The following VMP1 variants were observed in gnomAD, a reference collection of about 807,000 sequenced individuals.
VMP1 encodes the protein ectopic P-granules autophagy protein 3 homolog.
Under a neutral mutation model 56.0 loss-of-function variants are expected in VMP1, and 11 were observed. The observed-to-expected ratio is 0.20, with a 90% CI of 0.12 to 0.32. The LOEUF is 0.32. Ranked by LOEUF, VMP1 falls within the 10% of genes least tolerant of loss-of-function variation. The pLI, the probability that VMP1 is intolerant of heterozygous loss-of-function variation, is 1.00. For missense variants in VMP1, 296 were observed against 490.3 expected, an observed-to-expected ratio of 0.60 and a Z score of 3.74; for synonymous variants, 149 against 165.0, an observed-to-expected ratio of 0.90 and a Z score of 0.74.
intron 10 of VMP1, among the ~76,000 whole-genome samples, chr17:59,823,682 CG>C (rs1249917583): frequency 6.6e-6 from 1 of 151,522 alleles, no homozygotes; most frequent in Non-Finnish European, 1.5e-5. Flanking sequence ...ACCCGGGAGG[CG>C]GATCATGCAG....
intron 7 of VMP1, among the ~76,000 whole-genome samples, chr17:59,777,043 T>C (rs929981827): frequency 1.3e-5 from 2 of 152,132 alleles, no homozygotes; most frequent in African/African-American, 4.8e-5. Flanking sequence ...CACTTTCCAC[T>C]CGGTAACACA....
chr17:59,804,502 C>A (rs891605658), intron 7 of VMP1, among the ~76,000 whole-genome samples: 8 of 151,144 alleles, frequency 5.3e-5, no homozygotes, highest in African/African-American at 1.9e-4. Flanking sequence ...GTAGTCCCAG[C>A]TACTCAGGAG....
chr17:59,822,236 A>C (rs1372749775), intron 10 of VMP1, among the ~76,000 whole-genome samples: 1 of 151,774 alleles, frequency 6.6e-6, no homozygotes, highest in African/African-American at 2.4e-5. Context: ...GTATCCTTTT[A>C]GTCTTTGTCA....
chr17:59,772,950 CTTTTTTTTTTTTTTTTTT>C (rs1179269248), intron 6 of VMP1, among the ~76,000 whole-genome samples: 1 of 55,676 alleles, frequency 1.8e-5, no homozygotes, highest in African/African-American at 7.8e-5. Flanking sequence ...CTGGTGAATT[CTTTTTTTTTTTTTTTTTT>C]TTTTTTTTTT....
At chr17:59,763,862 T>C (rs2036142918) in intron 5 of VMP1, among the ~76,000 whole-genome samples, 1 of 152,226 alleles carries the variant, frequency 6.6e-6, no homozygotes, top group Non-Finnish European at 1.5e-5. Flanking sequence ...AAATCTCGTG[T>C]ATATATATGT....
At chr17:59,716,347 G>A (rs779707441) in intron 1 of VMP1, among the ~76,000 whole-genome samples, 44 of 152,262 alleles carry the variant, frequency 2.9e-4, no homozygotes, top group Non-Finnish European at 4.6e-4. Flanking sequence ...CGTGAGTTTC[G>A]TAGATACTTT....
intron 2 of VMP1, among the ~76,000 whole-genome samples, chr17:59,732,368 G>A (rs2034859317): frequency 9.2e-5 from 14 of 152,048 alleles, no homozygotes; most frequent in Admixed American, 7.9e-4. Context: ...TCAGCCTCCC[G>A]AGTAGCTGGA....
intron 7 of VMP1, among the ~76,000 whole-genome samples, chr17:59,795,875 A>C (rs1011134008): frequency 6.6e-6 from 1 of 152,068 alleles, no homozygotes; most frequent in Non-Finnish European, 1.5e-5. Flanking sequence ...TCTCATACTC[A>C]GTTTTGTTTA....
chr17:59,777,597 C>A (rs544358431), intron 7 of VMP1, among the ~76,000 whole-genome samples: 1 of 151,750 alleles, frequency 6.6e-6, no homozygotes, highest in African/African-American at 2.4e-5. Context: ...GGATCACCTA[C>A]GGTCAGGAGT....
chr17:59,776,721 T>C (rs2036629791), intron 7 of VMP1, among the ~76,000 whole-genome samples: 1 of 152,216 alleles, frequency 6.6e-6, no homozygotes, highest in Non-Finnish European at 1.5e-5. Context: ...TGATAGTTCT[T>C]TGAGTTATGG....
At chr17:59,726,389 G>A (rs1202189757) in intron 1 of VMP1, among the ~76,000 whole-genome samples, 1 of 151,976 alleles carries the variant, frequency 6.6e-6, no homozygotes, top group Non-Finnish European at 1.5e-5. Context: ...CACCTCCTGG[G>A]TTCAAGCGAT....
At chr17:59,728,020 T>C (rs182423333) in intron 1 of VMP1, among the ~76,000 whole-genome samples, 302 of 152,348 alleles carry the variant, frequency 2.0e-3, no homozygotes, top group African/African-American at 7.0e-3. Flanking sequence ...TAGAAACCTA[T>C]ATTTTATTTC....
chr17:59,794,353 G>A (rs974522030), intron 7 of VMP1, among the ~76,000 whole-genome samples: 1 of 149,758 alleles, frequency 6.7e-6, no homozygotes, highest in Non-Finnish European at 1.5e-5. Flanking sequence ...GTGAGTAGCT[G>A]GGATTACAAG....
intron 5 of VMP1, among the ~76,000 whole-genome samples, chr17:59,741,452 T>C (rs1197766783): frequency 6.6e-6 from 1 of 152,222 alleles, no homozygotes; most frequent in East Asian, 1.9e-4. Context: ...GTATAGATCT[T>C]TGATGTTTTA....
chr17:59,751,609 G>GC (rs958470633), intron 5 of VMP1, among the ~76,000 whole-genome samples: 3 of 148,756 alleles, frequency 2.0e-5, no homozygotes, highest in African/African-American at 5.0e-5. Flanking sequence ...GGGCGTGGTG[G>GC]GGGGGGCGCC....
intron 5 of VMP1, among the ~76,000 whole-genome samples, chr17:59,744,022 G>A (rs1384666303): frequency 6.6e-6 from 1 of 151,768 alleles, no homozygotes; most frequent in Non-Finnish European, 1.5e-5. Context: ...GATGTTAGCT[G>A]TAGGTTTTTG....
At chr17:59,780,988 T>G (rs1273620474) in intron 7 of VMP1, among the ~76,000 whole-genome samples, 1 of 152,220 alleles carries the variant, frequency 6.6e-6, no homozygotes, top group Non-Finnish European at 1.5e-5. Context: ...TAATTTTCCT[T>G]ACATACTTTT....
At chr17:59,726,217 A>C (rs1003833317) in intron 1 of VMP1, among the ~76,000 whole-genome samples, 1 of 152,058 alleles carries the variant, frequency 6.6e-6, no homozygotes, top group African/African-American at 2.4e-5. Context: ...CAAATGTTTA[A>C]ATATCTTCAA....
chr17:59,732,373 G>A (rs1203088607), intron 2 of VMP1, among the ~76,000 whole-genome samples: 3 of 152,270 alleles, frequency 2.0e-5, no homozygotes, highest in East Asian at 1.9e-4. Flanking sequence ...CTCCCGAGTA[G>A]CTGGAATTAA....
Sources: allele counts gnomAD v4.1 joint callset (sites outside exome capture counted in the v4.1 genomes callset), GRCh38; gene constraint gnomAD v4.1.1; transcripts MANE v1.5; gene names NCBI Gene and HGNC (gene_info 2026-07-23, HGNC 2026-07-21).